Variants in LRRC27 observed in about 807,000 individuals in gnomAD.
LRRC27 encodes leucine rich repeat containing 27.
A neutral mutation model predicts 55.0 loss-of-function variants in LRRC27; 57 were observed. The ratio of observed to expected loss-of-function variants is 1.04; its 90% CI spans 0.84 to 1.29. LRRC27 has a LOEUF of 1.29. LRRC27 is among the 50% of genes most tolerant of loss of function. The probability of loss-of-function intolerance (pLI) is 0.00; values close to 1 mark genes in which losing one functional copy is unlikely to be tolerated. For missense variants in LRRC27, 721 were observed against 651.5 expected (o/e 1.11, Z -1.16); for synonymous variants, 278 against 251.9 (o/e 1.10, Z -0.98).
chr10:132,360,046 T>C (rs774579063), intron 8 of LRRC27, among the ~76,000 whole-genome samples: 9 of 152,220 alleles, frequency 5.9e-5, no homozygotes, highest in Non-Finnish European at 1.3e-4. Context: ...ATACATACTT[T>C]TAATGTCTTT....
At chr10:132,356,168 G>A (rs1188281070) in intron 8 of LRRC27, among the ~76,000 whole-genome samples, 2 of 152,228 alleles carry the variant, frequency 1.3e-5, no homozygotes, top group African/African-American at 4.8e-5. Context: ...CTTGCCTCTT[G>A]GCTCACTGAC....
chr10:132,364,290 C>CAT (rs1181383178), intron 9 of LRRC27, among the ~76,000 whole-genome samples: 1 of 145,836 alleles, frequency 6.9e-6, no homozygotes, highest in East Asian at 2.0e-4. Context: ...CACAGTGGCG[C>CAT]ATGCACCCAC....
intron 3 of LRRC27, among the ~76,000 whole-genome samples, chr10:132,339,499 A>T (rs945174025): frequency 6.6e-6 from 1 of 152,074 alleles, no homozygotes; most frequent in South Asian, 2.1e-4. Context: ...CCACAGACGG[A>T]CCTGGAGGAG....
chr10:132,332,071 C>T (rs998946301), upstream of LRRC27: 2 of 278,406 alleles, frequency 7.2e-6, no homozygotes, highest in Admixed American at 5.5e-5. Context: ...ACGCACACCC[C>T]CGCGCGCAGG....
At chr10:132,352,988 G>A in intron 7 of LRRC27, 2 of 1,613,132 alleles carry the variant, frequency 1.2e-6, no homozygotes, top group Non-Finnish European at 1.7e-6. Flanking sequence ...ACCTTGCGAG[G>A]TGTGTTGGCC....
At chr10:132,364,532 C>CGCTT (rs2068893687) in intron 9 of LRRC27, among the ~76,000 whole-genome samples, 1 of 110,648 alleles carries the variant, frequency 9.0e-6, no homozygotes, top group African/African-American at 3.6e-5. Context: ...CTTACACCCA[C>CGCTT]ACTTAAATCT....
chr10:132,353,666 C>T (rs1487992702), intron 7 of LRRC27, among the ~76,000 whole-genome samples: 1 of 152,188 alleles, frequency 6.6e-6, no homozygotes, highest in Non-Finnish European at 1.5e-5. Flanking sequence ...ACCAGAAAGC[C>T]CATCGCTGTG....
chr10:132,370,529 T>C (rs760043481), intron 10 of LRRC27, among the ~76,000 whole-genome samples: 2 of 152,046 alleles, frequency 1.3e-5, no homozygotes, highest in African/African-American at 2.4e-5. Flanking sequence ...GGAGGTGAAT[T>C]GTGTTGAGAC....
chr10:132,365,339 A>G (rs567326353), intron 9 of LRRC27, 85 bp from the exon 10 acceptor site: 39 of 1,552,648 alleles, frequency 2.5e-5, no homozygotes, highest in African/African-American at 4.1e-5. Flanking sequence ...AGAAAGGCAC[A>G]TGCTTTCTCC....
rs552916995 is a variant in LRRC27, at chr10:132,363,233, C to T, written c.1289+1658C>T. Among the ~76,000 whole-genome samples the T allele has an allele frequency of 1.4e-4, 19 of 133,760 alleles. 3 individuals are homozygous for T. In the Middle Eastern group the frequency reaches 0.016, roughly 115 times the overall value. The allele number at this position is 133,760 out of a possible 152,430, so 87.8% of individuals were successfully genotyped here. On this transcript the variant is annotated intron_variant, in intron 9 of 10. Transcript: ENST00000368614. ...TCACCCCTCTTACCTCACAGCAGCT[C>T]GGGGGTCAGGGGTTCATGAACCCTC...
chr10:132,370,429 C>T (rs2133103748), intron 10 of LRRC27, among the ~76,000 whole-genome samples: 1 of 152,236 alleles, frequency 6.6e-6, no homozygotes, highest in East Asian at 1.9e-4. Flanking sequence ...GAGGTGGGTC[C>T]CTTCACTTCA....
chr10:132,355,947 A>G, intron 8 of LRRC27, 61 bp downstream of exon 8: 1 of 1,193,374 alleles, frequency 8.4e-7, no homozygotes. Context: ...GTGGGTGCTC[A>G]CAGGCATCCC....
Position 132,348,009 on chromosome 10 carries a change from C to T in LRRC27, c.579C>T (p.Thr193=). 2 of 1,610,228 alleles carry T rather than the reference C, an allele frequency of 1.2e-6. No individual in the cohort carries two copies. The highest frequency in any genetic ancestry group is 1.7e-6 in the Non-Finnish European group (2 of 1,178,688). The change falls in exon 6 of 11, where the codon ACC becomes ACT. Residue 193 remains threonine, a synonymous_variant. Transcript: ENST00000368614. This position sits in a 1 kb window ranked among gnomAD's most constrained non-coding sequence, Gnocchi z 4.2. ...AGGCTCCACCGGTTAGAGAGATGACCCTCCGTGACCTCCCGAGCCCAGGAC... is the reference window on the plus strand; with the variant it reads ...AGGCTCCACCGGTTAGAGAGATGACTCTCCGTGACCTCCCGAGCCCAGGAC... The part of the protein sequence containing the change: ...SQEAPPVREM[T]LRDLPSPGLE...
At position 132,376,730 on chromosome 10, in the gene LRRC27, C is replaced by G. The variant is rs775490321; in HGVS notation, c.*1488C>G. 2.6e-5 allele frequency: 4 copies of G among 152,332 alleles called. No homozygotes were observed. The highest frequency in any genetic ancestry group is 5.9e-5 in the Non-Finnish European group (4 of 68,084). The allele number at this position is 152,332 out of a possible 1,614,324, so 9.4% of individuals were successfully genotyped here. The stretch of plus-strand genomic sequence containing the variant: ...TGTTTTGGTAAATGTAGACTGTGCA[C>G]TTGAGAAGAATGTATTTTGAGTTGT... On this transcript the variant is annotated 3_prime_UTR_variant, in exon 11 of 11. Transcript: ENST00000368614.
At chr10:132,364,333 C>CGCTT (rs2068806419) in intron 9 of LRRC27, among the ~76,000 whole-genome samples, 3 of 4,104 alleles carry the variant, frequency 7.3e-4, no homozygotes, top group Non-Finnish European at 3.2e-3. Flanking sequence ...CACCCATGAC[C>CGCTT]ACACCCACAC....
In LRRC27 at chr10:132,339,419, C is replaced by T. The variant is rs568295123; in HGVS notation, c.341+1724C>T. On this transcript the variant is annotated intron_variant, in intron 3 of 10. Transcript: ENST00000368614. Reference sequence around the variant, plus strand: ...TGCTTATCTAATGATAGGTGGTGTCCGGAGCAGGTGGAAACACACCCGGTG... The same window carrying T: ...TGCTTATCTAATGATAGGTGGTGTCTGGAGCAGGTGGAAACACACCCGGTG... Among the ~76,000 whole-genome samples the T allele has an allele frequency of 4.7e-4, 71 of 152,328 alleles. 1 individual carries two copies. The highest frequency in any genetic ancestry group is 9.1e-4 in the Non-Finnish European group (62 of 68,032).
rs1306488882 is a variant in LRRC27, at chr10:132,364,441, CTCCA to C, written c.1290-982_1290-979del. Among the ~76,000 whole-genome samples the C allele has an allele frequency of 5.2e-4, 76 of 145,752 alleles. 1 individual carries two copies. Among genetic ancestry groups the C allele is most frequent in the African/African-American group, 7.0e-4 (26 of 37,150 alleles). ...CGCTTACACCCACGCTTACATCTAC[CTCCA>C]CACCCACACTCACACCCACCCACAC... On this transcript the variant is annotated intron_variant, in intron 9 of 10. Coordinates refer to ENST00000368614, the MANE Select transcript of LRRC27 (RefSeq NM_030626.3).
chr10:132,333,693 C>T lies in LRRC27; in HGVS notation c.169C>T (p.Leu57=), dbSNP rs763166417. ...SPILDLSESG[L]CRLEEVFRIP... is the part of the protein sequence containing the mutation. ...GATTTTAGACTTGAGTGAAAGTGGT[C>T]TGTGCCGTTTGGAGGAGGTCTTTAG... Residue 57 remains leucine (L), a synonymous_variant, in exon 2 of 11, where the codon CTG becomes TTG. Transcript: ENST00000368614. The T allele has an allele frequency of 9.9e-6, 16 of 1,613,786 alleles. No individual in the cohort carries two copies. The Admixed American group carries it at 2.7e-4, about 27-fold the overall frequency.
At chr10:132,341,322 G>C (rs2067404217) in intron 3 of LRRC27, among the ~76,000 whole-genome samples, 2 of 152,022 alleles carry the variant, frequency 1.3e-5, no homozygotes, top group African/African-American at 4.8e-5. Flanking sequence ...AGTGAGCAGA[G>C]GTTGCAGTGA....
Sources: allele counts gnomAD v4.1 joint callset (sites outside exome capture counted in the v4.1 genomes callset), GRCh38; gene constraint gnomAD v4.1.1; non-coding constraint Gnocchi (gnomAD v3.1); transcripts MANE v1.5; gene names NCBI Gene and HGNC (gene_info 2026-07-23, HGNC 2026-07-21).